Variants in MAGI2 observed in about 807,000 individuals in gnomAD.
MAGI2 encodes the protein membrane-associated guanylate kinase, WW and PDZ domain-containing protein 2.
A neutral mutation model predicts 133.3 loss-of-function variants in MAGI2; 35 were observed. The observed-to-expected ratio is 0.26, with a 90% CI of 0.20 to 0.35. The LOEUF is 0.35. Among genes scored for constraint, MAGI2 ranks in the 10% least tolerant of loss-of-function variants. The pLI is 1.00. For synonymous variants in MAGI2, 729 were observed against 710.6 expected, an observed-to-expected ratio of 1.03 and a Z score of -0.41; for missense variants, 1,636 against 1,863.4, an observed-to-expected ratio of 0.88 and a Z score of 2.25.
chr7:79,453,456 G>T lies in MAGI2; in HGVS notation c.-136C>A. Reference sequence around the variant, plus strand: ...TTGCCTTCGCCCCCCTCTATTCGGTGCTTTCCCTCTTCTTTGGATGGAGTG... The same window carrying T: ...TTGCCTTCGCCCCCCTCTATTCGGTTCTTTCCCTCTTCTTTGGATGGAGTG... On this transcript the variant is annotated 5_prime_UTR_variant, in exon 1 of 22. Transcript: ENST00000354212. 6.8e-7 allele frequency: 1 copy of T among 1,477,136 alleles called. No homozygotes were observed. The highest frequency in any genetic ancestry group is 8.9e-7 in the Non-Finnish European group (1 of 1,121,716). 91.5% of individuals were successfully genotyped at this position (1,477,136 alleles called of 1,614,324 possible).
At position 78,415,764 on chromosome 7, in the gene MAGI2, G is replaced by A. The variant is rs868802003; in HGVS notation, c.1046-46551C>T. The stretch of plus-strand genomic sequence containing the variant: ...GGGTTGGAGCCTATGAAGAAGTGGC[G>A]TCTTTTAAATGTCTGTAAGCAGATA... On this transcript the variant is annotated intron_variant, in intron 6 of 21. Coordinates refer to ENST00000354212, the MANE Select transcript of MAGI2 (RefSeq NM_012301.4). 5.3e-5 allele frequency among the ~76,000 whole-genome samples: 8 copies of A among 152,180 alleles called. No individual in the cohort carries two copies. The South Asian group carries it at 6.2e-4, about 12-fold the overall frequency.
intron 3 of MAGI2, among the ~76,000 whole-genome samples, chr7:78,529,010 A>C (rs939964552): frequency 2.0e-5 from 3 of 152,008 alleles, no homozygotes; most frequent in Non-Finnish European, 4.4e-5. Context: ...CATGGAATTG[A>C]ATTATTCTTA....
intron 9 of MAGI2, among the ~76,000 whole-genome samples, chr7:78,287,909 A>C (rs968121410): frequency 6.6e-6 from 1 of 152,178 alleles, no homozygotes; most frequent in South Asian, 2.1e-4. Context: ...CCATTTTCAC[A>C]ATTTGGGGAT....
chr7:78,153,572 T>C (rs3823785), intron 16 of MAGI2, among the ~76,000 whole-genome samples: 17,386 of 152,250 alleles, frequency 0.11, 1,043 homozygotes, highest in Non-Finnish European at 0.12. Flanking sequence ...TTTAAGATAA[T>C]TTCTTGACAG....
chr7:78,091,526 T>G (rs1164969731), intron 20 of MAGI2, among the ~76,000 whole-genome samples: 7 of 152,252 alleles, frequency 4.6e-5, no homozygotes, highest in South Asian at 4.1e-4. Context: ...ATAGGGGCAC[T>G]GAGGGCAAGG....
chr7:78,799,612 AT>A (rs1438211877), intron 2 of MAGI2, among the ~76,000 whole-genome samples: 1 of 152,080 alleles, frequency 6.6e-6, no homozygotes, highest in African/African-American at 2.4e-5. Context: ...CTCTTTTTCT[AT>A]GAGGTATAAT....
chr7:79,113,784 T>C (rs1221837601), intron 1 of MAGI2, among the ~76,000 whole-genome samples: 1 of 150,496 alleles, frequency 6.6e-6, no homozygotes, highest in Non-Finnish European at 1.5e-5. Flanking sequence ...GCAGTGCTAA[T>C]AATAATCTCC....
intron 2 of MAGI2, among the ~76,000 whole-genome samples, chr7:78,804,748 C>CAAAAAAAAAAAAAAAAAAAAAAAAAAAAA (rs373472835): frequency 1.0e-5 from 1 of 97,734 alleles, no homozygotes; most frequent in African/African-American, 4.7e-5. Context: ...GACTCTGTCT[C>CAAAAAAAAAAAAAAAAAAAAAAAAAAAAA]AAAAAAAAAA....
intron 2 of MAGI2, among the ~76,000 whole-genome samples, chr7:78,735,726 T>C (rs549456013): frequency 1.1e-4 from 17 of 152,324 alleles, no homozygotes; most frequent in Admixed American, 9.8e-4. Flanking sequence ...ATGTTTAATC[T>C]GATTATCTGA....
chr7:78,611,334 A>G (rs545198135), intron 3 of MAGI2, among the ~76,000 whole-genome samples: 2 of 152,298 alleles, frequency 1.3e-5, no homozygotes, highest in Non-Finnish European at 2.9e-5. Flanking sequence ...TTCAGAACAA[A>G]TCACATTCCT....
At chr7:79,343,861 A>G (rs1044882143) in intron 1 of MAGI2, among the ~76,000 whole-genome samples, 5 of 152,208 alleles carry the variant, frequency 3.3e-5, no homozygotes, top group African/African-American at 1.2e-4. Context: ...CTAACAAAAA[A>G]GCAACAGCAC....
At chr7:78,725,198 G>C (rs1464552168) in intron 2 of MAGI2, among the ~76,000 whole-genome samples, 1 of 152,142 alleles carries the variant, frequency 6.6e-6, no homozygotes, top group Non-Finnish European at 1.5e-5. Context: ...AAGCGTTAAC[G>C]CTTATGGTTT....
chr7:78,159,939 T>C, intron 16 of MAGI2, 86 bp downstream of exon 16: 1 of 1,474,366 alleles, frequency 6.8e-7, no homozygotes, highest in South Asian at 1.5e-5. Context: ...GTGACAGTCT[T>C]CTGATATACT....
chr7:79,214,765 T>C (rs10235007), intron 1 of MAGI2, among the ~76,000 whole-genome samples: 2,575 of 141,058 alleles, frequency 0.018, 86 homozygotes, highest in African/African-American at 0.064. Context: ...ATATGATATA[T>C]AAATAGATAA....
chr7:78,547,096 A>G (rs55646510), intron 3 of MAGI2, among the ~76,000 whole-genome samples: 38,100 of 152,130 alleles, frequency 0.25, 5,102 homozygotes, highest in Non-Finnish European at 0.28. Flanking sequence ...AACCAATTTT[A>G]CTACAGGCTA....
chr7:78,592,420 C>T (rs1010796132), intron 3 of MAGI2, among the ~76,000 whole-genome samples: 11 of 151,402 alleles, frequency 7.3e-5, no homozygotes, highest in Non-Finnish European at 1.3e-4. Context: ...CCCAACTGCT[C>T]TGCTCTCCTG....
At chr7:78,875,935 A>G (rs1795382962) in intron 2 of MAGI2, among the ~76,000 whole-genome samples, 1 of 152,150 alleles carries the variant, frequency 6.6e-6, no homozygotes, top group African/African-American at 2.4e-5. Context: ...AGATGTGGGG[A>G]AAAAAATCAG....
intron 9 of MAGI2, among the ~76,000 whole-genome samples, chr7:78,283,603 A>G (rs190898363): frequency 6.4e-4 from 98 of 152,190 alleles, no homozygotes; most frequent in Non-Finnish European, 7.1e-4. Flanking sequence ...TGTTTCTCCG[A>G]AATGGTATTT....
intron 6 of MAGI2, among the ~76,000 whole-genome samples, chr7:78,444,974 G>A (rs2151468074): frequency 6.6e-6 from 1 of 151,060 alleles, no homozygotes; most frequent in East Asian, 1.9e-4. Context: ...ATAATACTGT[G>A]CATTAAATTC....
Sources: allele counts gnomAD v4.1 joint callset (sites outside exome capture counted in the v4.1 genomes callset), GRCh38; gene constraint gnomAD v4.1.1; transcripts MANE v1.5; gene names NCBI Gene and HGNC (gene_info 2026-07-23, HGNC 2026-07-21).